The following KDM4C variants were observed in gnomAD, a reference collection of about 807,000 sequenced individuals.
KDM4C encodes the protein lysine demethylase 4C.
KDM4C carries 81 observed loss-of-function variants against 129.3 expected under a neutral mutation model. That is an observed-to-expected ratio of 0.63 (90% CI 0.52 to 0.75). KDM4C has a LOEUF of 0.75. Among genes scored for constraint, KDM4C ranks in the 30% least tolerant of loss-of-function variants. KDM4C has a pLI of 0.00. For missense variants in KDM4C, 1,457 were observed against 1,304.0 expected (o/e 1.12, Z -1.81); for synonymous variants, 573 against 456.1 (o/e 1.26, Z -3.26).
chr9:6,948,107 ATGG>A (rs1827306429), intron 8 of KDM4C: 1 of 152,166 alleles, frequency 6.6e-6, no homozygotes, highest in East Asian at 1.9e-4. Context: ...CCCAATTTTT[ATGG>A]TTACATCTGA....
chr9:6,734,017 C>G (rs1470910161), intron 1 of KDM4C, among the ~76,000 whole-genome samples: 2 of 152,118 alleles, frequency 1.3e-5, no homozygotes, highest in Non-Finnish European at 2.9e-5. Context: ...TGAGCTATAT[C>G]TTGTGCTGAC....
At chr9:6,852,355 C>T (rs927415163) in intron 5 of KDM4C, among the ~76,000 whole-genome samples, 1 of 152,186 alleles carries the variant, frequency 6.6e-6, no homozygotes, top group Admixed American at 6.5e-5. Flanking sequence ...TGCACTAGTG[C>T]ATGTGGCTTT....
intron 1 of KDM4C, among the ~76,000 whole-genome samples, chr9:6,777,662 T>C (rs973830796): frequency 6.6e-6 from 1 of 152,148 alleles, no homozygotes; most frequent in African/African-American, 2.4e-5. Context: ...GACTTAGTCT[T>C]GCTCTGTCGC....
At chr9:7,107,682 A>G (rs946111225) in intron 18 of KDM4C, among the ~76,000 whole-genome samples, 2 of 152,246 alleles carry the variant, frequency 1.3e-5, no homozygotes, top group Non-Finnish European at 2.9e-5. Flanking sequence ...AGTTGTATTC[A>G]TAGCTTTAGA....
chr9:6,945,107 C>T (rs1439795648), intron 8 of KDM4C, among the ~76,000 whole-genome samples: 1 of 152,122 alleles, frequency 6.6e-6, no homozygotes, highest in African/African-American at 2.4e-5. Context: ...ACATACCTTC[C>T]ACCTCTTACT....
At chr9:6,834,983 C>A in intron 4 of KDM4C, 1 of 980,614 alleles carries the variant, frequency 1.0e-6, no homozygotes, top group Non-Finnish European at 1.7e-6. Context: ...CACCATCCTG[C>A]ATCTGGACCT....
intron 17 of KDM4C, among the ~76,000 whole-genome samples, chr9:7,088,248 C>T (rs964402692): frequency 6.6e-6 from 1 of 152,186 alleles, no homozygotes; most frequent in African/African-American, 2.4e-5. Flanking sequence ...GCCAAAAGTA[C>T]TCGTTGATAT....
chr9:6,838,456 C>G (rs950886761), intron 4 of KDM4C, among the ~76,000 whole-genome samples: 4 of 152,194 alleles, frequency 2.6e-5, no homozygotes, highest in South Asian at 2.1e-4. Context: ...AACCAGGAAA[C>G]TCCATTAACT....
intron 19 of KDM4C, among the ~76,000 whole-genome samples, chr9:7,141,661 C>G (rs1442046486): frequency 6.6e-6 from 1 of 152,124 alleles, no homozygotes; most frequent in African/African-American, 2.4e-5. Flanking sequence ...CTTCCAGGCC[C>G]AGGATGATGA....
At chr9:7,080,649 A>G (rs1381874429) in intron 17 of KDM4C, among the ~76,000 whole-genome samples, 1 of 152,224 alleles carries the variant, frequency 6.6e-6, no homozygotes, top group African/African-American at 2.4e-5. Context: ...TTTGGGGCAG[A>G]CATTTTACAT....
intron 12 of KDM4C, among the ~76,000 whole-genome samples, chr9:7,004,265 G>A (rs1472343023): frequency 6.6e-6 from 1 of 152,156 alleles, no homozygotes; most frequent in African/African-American, 2.4e-5. Context: ...GTGAGTGAAC[G>A]AATCTGGCAA....
Position 6,824,623 on chromosome 9 carries a change from C to T in KDM4C, c.435+9878C>T, listed in dbSNP as rs116117198. Among the ~76,000 whole-genome samples, 312 of 141,448 alleles carry T rather than the reference C, an allele frequency of 2.2e-3. 3 individuals carry two copies. Among genetic ancestry groups the T allele is most frequent in the African/African-American group, 7.0e-3 (254 of 36,238 alleles). 92.8% of individuals were successfully genotyped at this position (141,448 alleles called of 152,430 possible). On this transcript the variant is annotated intron_variant, in intron 4 of 21. Coordinates refer to ENST00000381309, the MANE Select transcript of KDM4C (RefSeq NM_015061.6). ...AATTAAGGCCGGGCGTGGTGGCTCA[C>T]GCAAGACTCCGTCTCAAAAAAAAAA...
At chr9:6,731,473 T>G (rs1017788733) in intron 1 of KDM4C, among the ~76,000 whole-genome samples, 1 of 151,912 alleles carries the variant, frequency 6.6e-6, no homozygotes, top group Non-Finnish European at 1.5e-5. Context: ...ATTACAGGCA[T>G]GCACTACCTA....
chr9:6,781,149 C>A lies in KDM4C; in HGVS notation c.-17-11823C>A, dbSNP rs1220677564. On this transcript the variant is annotated intron_variant, in intron 1 of 21. Transcript: ENST00000381309. Reference sequence around the variant, plus strand: ...TAGGAGTGGCTGCCTGAATTTACCCCTGTAGGCTGGGAAGCTTCTTTGGGG... The same window carrying A: ...TAGGAGTGGCTGCCTGAATTTACCCATGTAGGCTGGGAAGCTTCTTTGGGG... Among the ~76,000 whole-genome samples the A allele has an allele frequency of 8.5e-5, 13 of 152,282 alleles. No individual in the cohort carries two copies. In the East Asian group the frequency reaches 2.5e-3, roughly 29 times the overall value.
chr9:7,106,546 T>G (rs1405467169), intron 18 of KDM4C, among the ~76,000 whole-genome samples: 1 of 152,238 alleles, frequency 6.6e-6, no homozygotes, highest in African/African-American at 2.4e-5. Flanking sequence ...TTTACTCACT[T>G]TAGGGTTTTT....
At chr9:6,927,510 A>T (rs577594877) in intron 8 of KDM4C, among the ~76,000 whole-genome samples, 5 of 152,142 alleles carry the variant, frequency 3.3e-5, no homozygotes, top group African/African-American at 4.8e-5. Context: ...ACCTGTGGTG[A>T]TAATGGAATT....
intron 15 of KDM4C, among the ~76,000 whole-genome samples, chr9:7,031,927 G>C (rs1265717865): frequency 6.6e-6 from 1 of 152,180 alleles, no homozygotes; most frequent in African/African-American, 2.4e-5. Flanking sequence ...TTGTGAGCTA[G>C]AGATTGTAAG....
intron 1 of KDM4C, among the ~76,000 whole-genome samples, chr9:6,725,121 C>G (rs1405054018): frequency 6.6e-6 from 1 of 152,146 alleles, no homozygotes; most frequent in African/African-American, 2.4e-5. Flanking sequence ...AGTCAAATCT[C>G]TCTCTGCCTT....
At chr9:6,961,733 A>T (rs1285718413) in intron 8 of KDM4C, among the ~76,000 whole-genome samples, 1 of 152,194 alleles carries the variant, frequency 6.6e-6, no homozygotes, top group Admixed American at 6.5e-5. Context: ...CAAAAATAAA[A>T]ACATGGTGAC....
Sources: gnomAD v4.1 joint callset for allele counts (sites outside exome capture counted in the v4.1 genomes callset) on GRCh38, gnomAD v4.1.1 for gene constraint, MANE v1.5 for transcripts, NCBI Gene and HGNC (gene_info 2026-07-23, HGNC 2026-07-21) for gene names.